Variants in HS6ST3 observed in about 807,000 individuals in gnomAD.
HS6ST3 encodes heparan sulfate 6-O-sulfotransferase 3, also known as heparan-sulfate 6-O-sulfotransferase 3.
In HS6ST3, 12 loss-of-function variants were observed where a neutral mutation model predicts 36.7. The ratio of observed to expected loss-of-function variants is 0.33; its 90% CI spans 0.21 to 0.53. HS6ST3 has a LOEUF of 0.53. Among genes scored for constraint, HS6ST3 ranks in the 20% least tolerant of loss-of-function variants. The pLI is 0.95. For synonymous variants in HS6ST3, 240 were observed against 257.5 expected (o/e 0.93, Z 0.65); for missense variants, 584 against 640.9 (o/e 0.91, Z 0.96).
chr13:96,355,400 C>T (rs868319749), intron 1 of HS6ST3, among the ~76,000 whole-genome samples: 34 of 138,410 alleles, frequency 2.5e-4, no homozygotes, highest in South Asian at 1.3e-3. Flanking sequence ...CACACACACA[C>T]ACAAACACAC....
chr13:96,257,648 T>A lies in HS6ST3; in HGVS notation c.707+166079T>A, dbSNP rs568737712. 1.1e-4 allele frequency among the ~76,000 whole-genome samples: 16 copies of A among 152,334 alleles called. No homozygotes were observed. In the South Asian group the frequency reaches 3.1e-3, roughly 30 times the overall value. On this transcript the variant is annotated intron_variant, in intron 1 of 1. Coordinates refer to ENST00000376705, the MANE Select transcript of HS6ST3 (RefSeq NM_153456.4). ...TTAAAATGCTCATTACAGTGCATAC[T>A]ACTTAGCAAGAAGCATATACATATT...
chr13:96,610,621 A>G (rs2056453981), intron 1 of HS6ST3, among the ~76,000 whole-genome samples: 2 of 152,226 alleles, frequency 1.3e-5, no homozygotes, highest in South Asian at 4.1e-4. Context: ...CTTGAAATCC[A>G]TCAGACGGTA....
At chr13:96,134,092 A>G (rs1230830277) in intron 1 of HS6ST3, among the ~76,000 whole-genome samples, 1 of 152,094 alleles carries the variant, frequency 6.6e-6, no homozygotes, top group Non-Finnish European at 1.5e-5. Flanking sequence ...AGTTGACTGT[A>G]AGTTCATGGA....
intron 1 of HS6ST3, among the ~76,000 whole-genome samples, chr13:96,181,417 C>T (rs190928773): frequency 2.6e-4 from 40 of 152,268 alleles, no homozygotes; most frequent in Admixed American, 5.9e-4. Context: ...ATGCATTTAT[C>T]GTAGTTAGCA....
At chr13:96,469,271 C>T (rs529166920) in intron 1 of HS6ST3, among the ~76,000 whole-genome samples, 5 of 151,796 alleles carry the variant, frequency 3.3e-5, no homozygotes, top group East Asian at 3.9e-4. Flanking sequence ...TAGTTTTCTC[C>T]GTCATTGGCT....
rs745591554 is a variant in HS6ST3 at position 96,091,312 on chromosome 13, C to T, written c.450C>T (p.Phe150=). The change falls in exon 1 of 2, where the codon TTC becomes TTT. Residue 150 remains phenylalanine, a synonymous_variant. Coordinates refer to ENST00000376705, the MANE Select transcript of HS6ST3 (RefSeq NM_153456.4). The part of the protein sequence containing the change: ...FNIKGRDVIV[F]LHIQKTGGTT... ...TCAAAGGGCGCGACGTGATCGTGTTCCTCCACATCCAGAAGACGGGGGGCA... is the reference window on the plus strand; with the variant it reads ...TCAAAGGGCGCGACGTGATCGTGTTTCTCCACATCCAGAAGACGGGGGGCA... 1.9e-6 allele frequency: 3 copies of T among 1,613,978 alleles called. No individual in the cohort carries two copies. The highest frequency in any genetic ancestry group is 2.5e-6 in the Non-Finnish European group (3 of 1,179,988).
At chr13:96,452,841 C>T (rs974396039) in intron 1 of HS6ST3, among the ~76,000 whole-genome samples, 31 of 152,020 alleles carry the variant, frequency 2.0e-4, no homozygotes, top group African/African-American at 6.0e-4. Context: ...TTAGAGAATC[C>T]GTAGGAACTT....
chr13:96,138,949 T>G (rs1355410009), intron 1 of HS6ST3, among the ~76,000 whole-genome samples: 1 of 152,142 alleles, frequency 6.6e-6, no homozygotes, highest in East Asian at 1.9e-4. Flanking sequence ...GTGGTTTATT[T>G]AATTTATACT....
chr13:96,251,040 C>T (rs1270946244), intron 1 of HS6ST3, among the ~76,000 whole-genome samples: 1 of 152,120 alleles, frequency 6.6e-6, no homozygotes, highest in Non-Finnish European at 1.5e-5. Flanking sequence ...AAGATACTGA[C>T]CTGTAATTTT....
At chr13:96,371,848 T>C (rs974275524) in intron 1 of HS6ST3, among the ~76,000 whole-genome samples, 2 of 152,184 alleles carry the variant, frequency 1.3e-5, no homozygotes, top group African/African-American at 4.8e-5. Context: ...GTATTCTATC[T>C]GTTTATATGT....
chr13:96,704,725 G>A (rs1280296037), intron 1 of HS6ST3, among the ~76,000 whole-genome samples: 1 of 152,054 alleles, frequency 6.6e-6, no homozygotes, highest in Non-Finnish European at 1.5e-5. Context: ...AACGCCAGGT[G>A]GCAGGGAGAC....
intron 1 of HS6ST3, among the ~76,000 whole-genome samples, chr13:96,248,794 T>A (rs543900277): frequency 2.6e-5 from 4 of 152,312 alleles, no homozygotes; most frequent in South Asian, 4.2e-4. Context: ...AAGTATTTTT[T>A]AAATTTAATT....
intron 1 of HS6ST3, among the ~76,000 whole-genome samples, chr13:96,300,692 C>A (rs1456131839): frequency 6.6e-6 from 1 of 151,982 alleles, no homozygotes; most frequent in Non-Finnish European, 1.5e-5. Flanking sequence ...TATCAAGAAT[C>A]AAAGGTAGAC....
chr13:96,119,391 CTCTT>C (rs1293521725), intron 1 of HS6ST3, among the ~76,000 whole-genome samples: 12 of 151,962 alleles, frequency 7.9e-5, no homozygotes, highest in African/African-American at 2.4e-4. Context: ...ATTATAGTAT[CTCTT>C]TATTAAGTAT....
chr13:96,511,621 G>A (rs1216138985), intron 1 of HS6ST3, among the ~76,000 whole-genome samples: 4 of 150,898 alleles, frequency 2.7e-5, no homozygotes, highest in African/African-American at 9.8e-5. Context: ...GGGCATTCTA[G>A]ATATGATTCC....
At chr13:96,605,843 C>T (rs988863893) in intron 1 of HS6ST3, among the ~76,000 whole-genome samples, 6 of 145,504 alleles carry the variant, frequency 4.1e-5, no homozygotes, top group African/African-American at 1.3e-4. Context: ...ATGCATCCAG[C>T]GAAGGACTAG....
At chr13:96,807,870 A>G (rs1878234912) in intron 1 of HS6ST3, among the ~76,000 whole-genome samples, 1 of 151,888 alleles carries the variant, frequency 6.6e-6, no homozygotes, top group Non-Finnish European at 1.5e-5. Context: ...CAACTCAAAA[A>G]AAAAAAAAAA....
chr13:96,600,236 G>C (rs2056416445), intron 1 of HS6ST3, among the ~76,000 whole-genome samples: 2 of 151,788 alleles, frequency 1.3e-5, no homozygotes, highest in Admixed American at 1.3e-4. Context: ...GCTGTCAGTA[G>C]AGTGTTGAAC....
At chr13:96,468,469 TACACACATACACAC>T (rs767936276) in intron 1 of HS6ST3, among the ~76,000 whole-genome samples, 1 of 46,146 alleles carries the variant, frequency 2.2e-5, no homozygotes, top group Admixed American at 1.7e-4. Flanking sequence ...TAACAGGACA[TACACACATACACAC>T]ACACACACAC....
Sources: gnomAD v4.1 joint callset for allele counts (sites outside exome capture counted in the v4.1 genomes callset) on GRCh38, gnomAD v4.1.1 for gene constraint, MANE v1.5 for transcripts, NCBI Gene and HGNC (gene_info 2026-07-23, HGNC 2026-07-21) for gene names.